The following IFFO2 variants were observed in gnomAD, a reference collection of about 807,000 sequenced individuals.
The protein encoded by IFFO2 is intermediate filament family orphan 2.
Under a neutral mutation model 53.5 loss-of-function variants are expected in IFFO2, and 19 were observed. That is an observed-to-expected ratio of 0.36 (90% CI 0.25 to 0.52). The LOEUF is 0.52. Among genes scored for constraint, IFFO2 ranks in the 20% least tolerant of loss-of-function variants. The probability of loss-of-function intolerance (pLI) is 0.94; values close to 1 mark genes in which losing one functional copy is unlikely to be tolerated. For synonymous variants in IFFO2, 303 were observed against 313.6 expected (o/e 0.97, Z 0.36); for missense variants, 570 against 727.4 (o/e 0.78, Z 2.49).
At chr1:18,955,024 C>G (rs2148195427) in intron 1 of IFFO2, among the ~76,000 whole-genome samples, 1 of 152,308 alleles carries the variant, frequency 6.6e-6, no homozygotes, top group East Asian at 1.9e-4. Flanking sequence ...GCAAGCTGGA[C>G]CTTACAGAGC....
chr1:18,949,282 G>A (rs890202565), intron 1 of IFFO2, among the ~76,000 whole-genome samples: 3 of 152,262 alleles, frequency 2.0e-5, no homozygotes, highest in East Asian at 1.9e-4. Context: ...AGTGGGAGAC[G>A]AAGCCAGAGT....
rs1935965312 is a variant in IFFO2 at position 18,907,323 on chromosome 1, G to A, written c.*1238C>T. The A allele has an allele frequency of 1.3e-5, 2 of 152,244 alleles. No individual in the cohort carries two copies. The highest frequency in any genetic ancestry group is 4.8e-5 in the African/African-American group (2 of 41,446). 9.4% of individuals were successfully genotyped at this position (152,244 alleles called of 1,614,324 possible). A position where few individuals can be genotyped will look rare whatever the true frequency, so the allele number is the denominator to read the frequency against. On this transcript the variant is annotated 3_prime_UTR_variant, in exon 9 of 9. Coordinates refer to ENST00000455833, the MANE Select transcript of IFFO2 (RefSeq NM_001136265.2). ...CTCAGATCAATACCCCGACTGGCCA[G>A]TCGAGGGAACTGCTGAGAGCGGCTT... is the stretch of plus-strand genomic sequence containing the variant.
chr1:18,928,240 C>A lies in IFFO2; in HGVS notation c.666-7119G>T, dbSNP rs907992625. 1.3e-5 allele frequency among the ~76,000 whole-genome samples: 2 copies of A among 152,220 alleles called. No individual in the cohort carries two copies. The highest frequency in any genetic ancestry group is 2.9e-5 in the Non-Finnish European group (2 of 68,040). ...GGCACCACCTCTTGTGGCCTCCCGG[C>A]TCCCATCTCCATGGAGCCCCTGATC... On this transcript the variant is annotated intron_variant, in intron 1 of 8. Transcript: ENST00000455833. The surrounding 1 kb of genome is among the most constrained non-coding windows in gnomAD (Gnocchi z 4.9).
intron 1 of IFFO2, among the ~76,000 whole-genome samples, chr1:18,930,324 G>A (rs1936359013): frequency 1.3e-5 from 2 of 152,182 alleles, no homozygotes; most frequent in Admixed American, 6.5e-5. Context: ...CACATCGTAA[G>A]TGAGGGGGTC....
At chr1:18,944,120 G>A (rs1288180301) in intron 1 of IFFO2, among the ~76,000 whole-genome samples, 1 of 152,218 alleles carries the variant, frequency 6.6e-6, no homozygotes, top group East Asian at 1.9e-4. Flanking sequence ...CCTTCGCTGG[G>A]CCTCAGTTTT....
In IFFO2 at chr1:18,936,839, C is replaced by A. The variant is rs934805767; in HGVS notation, c.666-15718G>T. 6.6e-6 allele frequency among the ~76,000 whole-genome samples: 1 copy of A among 152,052 alleles called. No homozygotes were observed. The highest frequency in any genetic ancestry group is 1.5e-5 in the Non-Finnish European group (1 of 68,036). On this transcript the variant is annotated intron_variant, in intron 1 of 8. Transcript: ENST00000455833. The surrounding 1 kb of genome is among the most constrained non-coding windows in gnomAD (Gnocchi z 4.5). ...CACCTGGGTTGAAAGCAAGGCTCTG[C>A]GGCCTTAAGCCAAGTCACTTCTCTA...
intron 1 of IFFO2, among the ~76,000 whole-genome samples, chr1:18,926,192 G>A (rs767919469): frequency 1.1e-4 from 16 of 151,998 alleles, no homozygotes; most frequent in South Asian, 2.1e-4. Flanking sequence ...GATGGCCCTC[G>A]CCTCCAGACA....
In IFFO2 at chr1:18,904,659, T is replaced by C. The variant is rs563996434; in HGVS notation, c.*3902A>G. ...CTGGAAATCATCCATTCATAGAAAATTCCCTTCCAGAGAGAATCTGGCTTT... is the reference window on the plus strand; with the variant it reads ...CTGGAAATCATCCATTCATAGAAAACTCCCTTCCAGAGAGAATCTGGCTTT... On this transcript the variant is annotated 3_prime_UTR_variant, in exon 9 of 9. Transcript: ENST00000455833. 1 of 152,102 alleles carries C rather than the reference T, an allele frequency of 6.6e-6. No individual in the cohort carries two copies. Among genetic ancestry groups the C allele is most frequent in the African/African-American group, 2.4e-5 (1 of 41,480 alleles). The allele number at this position is 152,102 out of a possible 1,614,324, so 9.4% of individuals were successfully genotyped here.
intron 1 of IFFO2, among the ~76,000 whole-genome samples, chr1:18,922,899 A>G (rs578210733): frequency 1.3e-5 from 2 of 151,734 alleles, no homozygotes; most frequent in South Asian, 2.1e-4. Context: ...AGCAGGCCCC[A>G]TGTTGGGGAC....
chr1:18,952,254 C>T (rs1335515411), intron 1 of IFFO2, among the ~76,000 whole-genome samples: 1 of 152,176 alleles, frequency 6.6e-6, no homozygotes, highest in Non-Finnish European at 1.5e-5. Flanking sequence ...CTCATTGCGG[C>T]TTCAGCGACC....
rs1372442491 is a variant in IFFO2, at chr1:18,907,382, CA to C, written c.*1178del. Reference sequence around the variant, plus strand: ...CGAGGAGCAGAAAGAGGATGGCCCTCACTCCAGCTCCTGCACTGCCAGCAGC... The same window carrying C: ...CGAGGAGCAGAAAGAGGATGGCCCTCCTCCAGCTCCTGCACTGCCAGCAGC... On this transcript the variant is annotated 3_prime_UTR_variant, in exon 9 of 9. Coordinates refer to ENST00000455833, the MANE Select transcript of IFFO2 (RefSeq NM_001136265.2). 6.6e-6 allele frequency: 1 copy of C among 152,374 alleles called. No homozygotes were observed. The highest frequency in any genetic ancestry group is 2.4e-5 in the African/African-American group (1 of 41,444). 9.4% of individuals were successfully genotyped at this position (152,374 alleles called of 1,614,324 possible). A position where few individuals can be genotyped will look rare whatever the true frequency, so the allele number is the denominator to read the frequency against.
At chr1:18,935,726 C>G (rs548941818) in intron 1 of IFFO2, among the ~76,000 whole-genome samples, 27 of 146,782 alleles carry the variant, frequency 1.8e-4, no homozygotes, top group Middle Eastern at 3.5e-3. Context: ...GAGATAAGAT[C>G]TCGCTGTGTG....
At chr1:18,911,102 C>T (rs1031338426) in intron 7 of IFFO2, among the ~76,000 whole-genome samples, 2 of 152,154 alleles carry the variant, frequency 1.3e-5, no homozygotes, top group African/African-American at 4.8e-5. Context: ...CACTCACTAT[C>T]ACTCGAATGT....
At chr1:18,951,775 G>A (rs932780320) in intron 1 of IFFO2, among the ~76,000 whole-genome samples, 2 of 152,222 alleles carry the variant, frequency 1.3e-5, no homozygotes, top group African/African-American at 4.8e-5. Flanking sequence ...GATGGCCAGC[G>A]CTGCCTATGC....
intron 2 of IFFO2, among the ~76,000 whole-genome samples, chr1:18,920,299 G>A (rs1037874967): frequency 2.6e-5 from 4 of 152,182 alleles, no homozygotes; most frequent in African/African-American, 9.7e-5. Flanking sequence ...AAAGAAAAAA[G>A]CCCTTTCATT....
rs1411535688 is a variant in IFFO2, at chr1:18,928,811, G to C, written c.666-7690C>G. The stretch of plus-strand genomic sequence containing the variant: ...ATAATAGGATCTCCCAAAATCCCTC[G>C]GGACATGACATTTGCAGTGTTATTT... On this transcript the variant is annotated intron_variant, in intron 1 of 8. Transcript: ENST00000455833. The surrounding 1 kb of genome is among the most constrained non-coding windows in gnomAD (Gnocchi z 4.9). 1.3e-5 allele frequency among the ~76,000 whole-genome samples: 2 copies of C among 152,088 alleles called. No individual in the cohort carries two copies. The highest frequency in any genetic ancestry group is 2.9e-5 in the Non-Finnish European group (2 of 68,008).
At chr1:18,952,439 C>A (rs536175589) in intron 1 of IFFO2, among the ~76,000 whole-genome samples, 1 of 152,072 alleles carries the variant, frequency 6.6e-6, no homozygotes, top group East Asian at 1.9e-4. Flanking sequence ...ATACAGTTGA[C>A]GTTTTAAATT....
At position 18,928,856 on chromosome 1, in the gene IFFO2, C is replaced by T. The variant is rs914557978; in HGVS notation, c.666-7735G>A. ...TTATTTGCACGCCCTGGATAGGGCC[C>T]TTCCTTGGAGTCCAGAAGTGGTGAC... On this transcript the variant is annotated intron_variant, in intron 1 of 8. Transcript: ENST00000455833. This position sits in a 1 kb window ranked among gnomAD's most constrained non-coding sequence, Gnocchi z 4.9. Among the ~76,000 whole-genome samples the T allele has an allele frequency of 6.6e-6, 1 of 152,186 alleles. No homozygotes were observed. Among genetic ancestry groups the T allele is most frequent in the Admixed American group, 6.5e-5 (1 of 15,276 alleles).
intron 1 of IFFO2, among the ~76,000 whole-genome samples, chr1:18,925,562 G>A (rs1202009696): frequency 2.0e-5 from 3 of 152,332 alleles, no homozygotes; most frequent in Non-Finnish European, 2.9e-5. Flanking sequence ...ATGGGGCAAA[G>A]AGGAAGCAAG....
Sources: gnomAD v4.1 joint callset for allele counts (sites outside exome capture counted in the v4.1 genomes callset) on GRCh38, gnomAD v4.1.1 for gene constraint, Gnocchi (gnomAD v3.1) non-coding constraint, MANE v1.5 for transcripts, NCBI Gene and HGNC (gene_info 2026-07-23, HGNC 2026-07-21) for gene names.